PXN: variants seen among roughly 807,000 people sequenced by gnomAD.
PXN encodes paxillin.
PXN carries 61 observed loss-of-function variants against 103.6 expected under a neutral mutation model. The ratio of observed to expected loss-of-function variants is 0.59; its 90% CI spans 0.48 to 0.73. PXN has a LOEUF of 0.73. PXN is among the 30% of genes least tolerant of loss of function. The pLI is 0.00. For synonymous variants in PXN, 562 were observed against 607.8 expected, an observed-to-expected ratio of 0.92 and a Z score of 1.11; for missense variants, 1,274 against 1,460.3, an observed-to-expected ratio of 0.87 and a Z score of 2.08.
Position 120,221,262 on chromosome 12 carries a change from A to G in PXN, c.831+361T>C, listed in dbSNP as rs1885066531. On this transcript the variant is annotated intron_variant, in intron 6 of 14. Coordinates refer to ENST00000637617, the MANE Select transcript of PXN (RefSeq NM_001385981.1). The surrounding 1 kb of genome is among the most constrained non-coding windows in gnomAD (Gnocchi z 6.6). ...TCCCAAGTCCCACATGGCCCAGCAGAGAATGCCCTCCCCCACCCAGAGCAG... is the reference window on the plus strand; with the variant it reads ...TCCCAAGTCCCACATGGCCCAGCAGGGAATGCCCTCCCCCACCCAGAGCAG... Among the ~76,000 whole-genome samples, 1 of 152,152 alleles carries G rather than the reference A, an allele frequency of 6.6e-6. No homozygotes were observed. Among genetic ancestry groups the G allele is most frequent in the African/African-American group, 2.4e-5 (1 of 41,412 alleles).
intron 1 of PXN, among the ~76,000 whole-genome samples, chr12:120,244,605 A>G (rs1151830): frequency 0.27 from 40,444 of 149,820 alleles, 7,979 homozygotes; most frequent in East Asian, 0.55. Context: ...CAGAGATCGC[A>G]CCACTGCACT....
chr12:120,236,931 A>C (rs959967287), intron 1 of PXN, among the ~76,000 whole-genome samples: 8 of 151,924 alleles, frequency 5.3e-5, no homozygotes, highest in African/African-American at 1.9e-4. Context: ...CAGCCTCCCA[A>C]GTCATGAGGG....
intron 1 of PXN, among the ~76,000 whole-genome samples, chr12:120,243,811 C>T (rs1362122191): frequency 6.6e-6 from 1 of 152,186 alleles, no homozygotes. Flanking sequence ...AAGCACTGTG[C>T]ACTTCTCCTA....
intron 1 of PXN, among the ~76,000 whole-genome samples, chr12:120,250,613 C>A (rs1566430324): frequency 1.3e-5 from 2 of 152,142 alleles, no homozygotes; most frequent in African/African-American, 4.8e-5. Context: ...CCTCCTCCCC[C>A]ACCACTTCCT....
intron 1 of PXN, among the ~76,000 whole-genome samples, chr12:120,244,869 A>G (rs1890792236): frequency 6.6e-6 from 1 of 151,634 alleles, no homozygotes; most frequent in African/African-American, 2.4e-5. Context: ...ATAAATAATA[A>G]AAAAAAATCA....
chr12:120,224,088 G>C lies in PXN; in HGVS notation c.240+63C>G. The C allele has an allele frequency of 7.5e-7, 1 of 1,336,930 alleles. No individual in the cohort carries two copies. The highest frequency in any genetic ancestry group is 1.0e-6 in the Non-Finnish European group (1 of 981,016). The allele number at this position is 1,336,930 out of a possible 1,614,324, so 82.8% of individuals were successfully genotyped here. Reference sequence around the variant, plus strand: ...CCATCCCCTGGCTCCCTAAGCCCCTGCCAGCTAAGTTCCCTCTGTCCCCCA... The same window carrying C: ...CCATCCCCTGGCTCCCTAAGCCCCTCCCAGCTAAGTTCCCTCTGTCCCCCA... On this transcript the variant is annotated intron_variant, in intron 2 of 14. Transcript: ENST00000637617. This position sits in a 1 kb window ranked among gnomAD's most constrained non-coding sequence, Gnocchi z 5.0.
chr12:120,254,224 C>T (rs1461273925), intron 1 of PXN, among the ~76,000 whole-genome samples: 1 of 151,906 alleles, frequency 6.6e-6, no homozygotes, highest in Non-Finnish European at 1.5e-5. Flanking sequence ...ATACAGAGAT[C>T]GAGAATGAAA....
chr12:120,252,487 G>C (rs1225808386), intron 1 of PXN, among the ~76,000 whole-genome samples: 1 of 152,126 alleles, frequency 6.6e-6, no homozygotes, highest in Middle Eastern at 3.2e-3. Flanking sequence ...TCAGGAGAAG[G>C]CTATTTTCTG....
In PXN at chr12:120,215,989, T is replaced by C; in HGVS notation, c.2301+284A>G. ...CAGGTTTCTGGTCTCCCTTCTGGAG[T>C]GGCTTCTTTCCTCGATGGGAGCCCG... On this transcript the variant is annotated intron_variant, in intron 9 of 14. Transcript: ENST00000637617. The surrounding 1 kb of genome is among the most constrained non-coding windows in gnomAD (Gnocchi z 4.9). 7.3e-7 allele frequency: 1 copy of C among 1,362,508 alleles called. No homozygotes were observed. Among genetic ancestry groups the C allele is most frequent in the South Asian group, 2.0e-5 (1 of 50,856 alleles). The allele number at this position is 1,362,508 out of a possible 1,614,324, so 84.4% of individuals were successfully genotyped here.
Position 120,216,506 on chromosome 12 carries a change from G to C in PXN, c.2068C>G (p.Leu690Val). Residue 690 changes from leucine to valine, a missense_variant, in exon 9 of 15, where the codon CTC (leucine) becomes GTC (valine). Physicochemically the swap from Leu to Val is conservative, Grantham distance 32. Coordinates refer to ENST00000637617, the MANE Select transcript of PXN (RefSeq NM_001385981.1). This position sits in a 1 kb window ranked among gnomAD's most constrained non-coding sequence, Gnocchi z 5.1. The part of the protein sequence containing the change: ...SVLASPSVPL[L>V]QHRTDAAASS... ...GCCGCGGCGTCTGTGCGATGCTGGA[G>C]CAAAGGGACAGAAGGAGAAGCCAGG... 7.2e-7 allele frequency: 1 copy of C among 1,396,338 alleles called. No homozygotes were observed. Among genetic ancestry groups the C allele is most frequent in the Non-Finnish European group, 9.2e-7 (1 of 1,084,474 alleles). The allele number at this position is 1,396,338 out of a possible 1,614,324, so 86.5% of individuals were successfully genotyped here.
chr12:120,249,079 G>C (rs1224486153), intron 1 of PXN, among the ~76,000 whole-genome samples: 1 of 152,150 alleles, frequency 6.6e-6, no homozygotes, highest in Non-Finnish European at 1.5e-5. Context: ...AGAGGTTGCA[G>C]TGAGCCAAGA....
rs960674801 is a variant in PXN, at chr12:120,224,823, A to G, written c.14-446T>C. 3 of 436,218 alleles carry G rather than the reference A, an allele frequency of 6.9e-6. No homozygotes were observed. Among genetic ancestry groups the G allele is most frequent in the Non-Finnish European group, 1.4e-5 (3 of 214,324 alleles). 27.0% of individuals were successfully genotyped at this position (436,218 alleles called of 1,614,324 possible). On this transcript the variant is annotated intron_variant, in intron 1 of 14. Transcript: ENST00000637617. This position sits in a 1 kb window ranked among gnomAD's most constrained non-coding sequence, Gnocchi z 5.0. ...GCCCTCACTTGATTTCTAAGAGCTT[A>G]GGCTTTCCCAGCCCCCGACTGGAAG...
rs1244067206 is a variant in PXN at position 120,224,315 on chromosome 12, A to C, written c.76T>G (p.Ser26Ala). ...SHISKRPVFL[S>A]EETPYSYPTG... ...GGGTATGAGTAGGGGGTCTCCTCCG[A>C]CAAGAACACAGGCCGTTTGGAGATG... The change falls in exon 2 of 15, where the codon TCG becomes GCG. Residue 26 changes from serine (S) to alanine (A), a missense_variant. By Grantham distance (99) the Ser-to-Ala change is moderately conservative. Around this residue, in one of 2 missense-constraint regions of PXN, gnomAD observed 1,178 missense variants for 1,309.0 expected, o/e 0.90. Coordinates refer to ENST00000637617, the MANE Select transcript of PXN (RefSeq NM_001385981.1). This position sits in a 1 kb window ranked among gnomAD's most constrained non-coding sequence, Gnocchi z 5.0. 1.2e-6 allele frequency: 2 copies of C among 1,613,958 alleles called. No individual in the cohort carries two copies. The highest frequency in any genetic ancestry group is 8.5e-7 in the Non-Finnish European group (1 of 1,179,886).
chr12:120,219,668 C>A lies in PXN; in HGVS notation c.1255G>T (p.Gly419Trp). The change falls in exon 7 of 15, where the codon GGG becomes TGG. Residue 419 changes from glycine to tryptophan, a missense_variant. This residue lies in a region of PXN where 1,178 missense variants were observed against 1,309.0 expected (regional missense o/e 0.90). Coordinates refer to ENST00000637617, the MANE Select transcript of PXN (RefSeq NM_001385981.1). The surrounding 1 kb of genome is among the most constrained non-coding windows in gnomAD (Gnocchi z 6.5). Reference protein sequence around the residue: ...TALQEPGEPQGPPASPSCPEE... With the variant: ...TALQEPGEPQWPPASPSCPEE... ...GGGCACGAAGGGCTGGCTGGTGGCC[C>A]CTGGGGCTCCCCAGGCTCTTGGAGA... The A allele has an allele frequency of 6.3e-7, 1 of 1,586,334 alleles. No individual in the cohort carries two copies. Among genetic ancestry groups the A allele is most frequent in the South Asian group, 1.1e-5 (1 of 89,480 alleles).
intron 1 of PXN, among the ~76,000 whole-genome samples, chr12:120,237,591 G>A (rs1424380724): frequency 3.9e-5 from 6 of 152,088 alleles, no homozygotes; most frequent in African/African-American, 1.4e-4. Flanking sequence ...TATCATAGAT[G>A]GTCACGAGTG....
In PXN at chr12:120,224,144, G is replaced by C; in HGVS notation, c.240+7C>G. Reference sequence around the variant, plus strand: ...CTTGGCCTTCCCAGCCACTGTCCCCGCCTCACCTGCTGGTGGATGAATCGG... The same window carrying C: ...CTTGGCCTTCCCAGCCACTGTCCCCCCCTCACCTGCTGGTGGATGAATCGG... On this transcript the variant is annotated splice_region_variant and intron_variant, in intron 2 of 14. Transcript: ENST00000637617. This position sits in a 1 kb window ranked among gnomAD's most constrained non-coding sequence, Gnocchi z 5.0. 1 of 1,553,120 alleles carries C rather than the reference G, an allele frequency of 6.4e-7. No individual in the cohort carries two copies. The highest frequency in any genetic ancestry group is 8.7e-7 in the Non-Finnish European group (1 of 1,146,242).
At position 120,220,943 on chromosome 12, in the gene PXN, C is replaced by T. The variant is rs1447271256; in HGVS notation, c.831+680G>A. Among the ~76,000 whole-genome samples the T allele has an allele frequency of 6.6e-6, 1 of 152,160 alleles. No individual in the cohort carries two copies. Among genetic ancestry groups the T allele is most frequent in the Admixed American group, 6.5e-5 (1 of 15,270 alleles). On this transcript the variant is annotated intron_variant, in intron 6 of 14. Transcript: ENST00000637617. This position sits in a 1 kb window ranked among gnomAD's most constrained non-coding sequence, Gnocchi z 6.1. ...AGCTGCTGGTGAGTTCTGTCAATAT[C>T]AATCCCCAAGGAAACACTGAATCCT...
chr12:120,215,751 A>T lies in PXN; in HGVS notation c.2302-90T>A. 1.4e-6 allele frequency: 2 copies of T among 1,403,874 alleles called. No homozygotes were observed. Among genetic ancestry groups the T allele is most frequent in the Non-Finnish European group, 1.9e-6 (2 of 1,057,046 alleles). The allele number at this position is 1,403,874 out of a possible 1,614,324, so 87.0% of individuals were successfully genotyped here. ...TTGTCACTGGACTAAAAGGGAATCT[A>T]GGATGAGATCTGAGGGTTTCTCCCC... On this transcript the variant is annotated intron_variant, in intron 9 of 14. Coordinates refer to ENST00000637617, the MANE Select transcript of PXN (RefSeq NM_001385981.1). The surrounding 1 kb of genome is among the most constrained non-coding windows in gnomAD (Gnocchi z 4.9).
intron 1 of PXN, among the ~76,000 whole-genome samples, chr12:120,258,236 A>G (rs908402589): frequency 5.9e-5 from 9 of 151,930 alleles, no homozygotes; most frequent in African/African-American, 2.2e-4. Flanking sequence ...ATCAGCCTAG[A>G]CAACCCATCT....
Sources: allele counts gnomAD v4.1 joint callset (sites outside exome capture counted in the v4.1 genomes callset), GRCh38; gene constraint gnomAD v4.1.1; regional missense constraint gnomAD v4.1.1; non-coding constraint Gnocchi (gnomAD v3.1); transcripts MANE v1.5; gene names NCBI Gene and HGNC (gene_info 2026-07-23, HGNC 2026-07-21).